Variants in RAP1GAP2 observed in about 807,000 individuals in gnomAD.
The protein encoded by RAP1GAP2 is RAP1 GTPase activating protein 2.
In RAP1GAP2, 27 loss-of-function variants were observed where a neutral mutation model predicts 95.0. That is an observed-to-expected ratio of 0.28 (90% CI 0.21 to 0.39). The LOEUF (loss-of-function observed/expected upper bound fraction) is 0.39, where lower values mean the gene tolerates loss of function less well. Ranked by LOEUF, RAP1GAP2 falls within the 10% of genes least tolerant of loss-of-function variation. RAP1GAP2 has a pLI of 1.00. For synonymous variants in RAP1GAP2, 373 were observed against 380.9 expected, an observed-to-expected ratio of 0.98 and a Z score of 0.24; for missense variants, 771 against 970.0, an observed-to-expected ratio of 0.79 and a Z score of 2.72.
intron 11 of RAP1GAP2, among the ~76,000 whole-genome samples, chr17:2,989,144 A>T (rs888238830): frequency 3.9e-4 from 59 of 152,114 alleles, no homozygotes; most frequent in Non-Finnish European, 1.3e-4. Flanking sequence ...CCAGCAGTGT[A>T]TGAGTGATCC....
intron 1 of RAP1GAP2, among the ~76,000 whole-genome samples, chr17:2,763,810 C>T: frequency 6.6e-6 from 1 of 151,906 alleles, no homozygotes. Context: ...GAGGTGAAGG[C>T]TGTGCAGGTG....
intron 2 of RAP1GAP2, among the ~76,000 whole-genome samples, chr17:2,818,838 C>T (rs964236815): frequency 5.3e-5 from 8 of 152,264 alleles, no homozygotes; most frequent in Admixed American, 4.6e-4. Context: ...CCATGCCTCC[C>T]TTTTCTAATC....
intron 2 of RAP1GAP2, among the ~76,000 whole-genome samples, chr17:2,816,061 C>A (rs972186762): frequency 6.6e-6 from 1 of 152,154 alleles, no homozygotes; most frequent in African/African-American, 2.4e-5. Flanking sequence ...TTAGCAGCAC[C>A]TGGGCTGAGC....
intron 2 of RAP1GAP2, among the ~76,000 whole-genome samples, chr17:2,803,408 A>G (rs1290697193): frequency 6.6e-6 from 1 of 152,208 alleles, no homozygotes; most frequent in African/African-American, 2.4e-5. Context: ...ACTGAAGGGG[A>G]GGAAGCAAAG....
chr17:2,792,337 G>A (rs938543016), upstream of RAP1GAP2, among the ~76,000 whole-genome samples: 1 of 152,212 alleles, frequency 6.6e-6, no homozygotes, highest in Admixed American at 6.5e-5. Flanking sequence ...GACGGCCTTG[G>A]AGCCCCGTGC....
chr17:3,014,365 A>G (rs1004257971), intron 17 of RAP1GAP2, among the ~76,000 whole-genome samples: 3 of 152,238 alleles, frequency 2.0e-5, no homozygotes, highest in Admixed American at 6.5e-5. Flanking sequence ...TGGAAAAGGT[A>G]CAGTAAAAAT....
chr17:2,979,124 T>C (rs989362762), intron 8 of RAP1GAP2, among the ~76,000 whole-genome samples: 1 of 152,146 alleles, frequency 6.6e-6, no homozygotes, highest in Non-Finnish European at 1.5e-5. Context: ...AAAAACCATA[T>C]GGTTATCTCC....
chr17:2,758,171 G>GA (rs773615611), intron 1 of RAP1GAP2, among the ~76,000 whole-genome samples: 64 of 104,632 alleles, frequency 6.1e-4, no homozygotes, highest in African/African-American at 2.4e-3. Flanking sequence ...GCCTGGCCAC[G>GA]CCCCCCCCCC....
In RAP1GAP2 at chr17:2,905,172, C is replaced by T. The variant is rs370417346; in HGVS notation, c.81-112C>T. The T allele has an allele frequency of 3.1e-5, 31 of 992,040 alleles. 1 individual carries two copies. The highest frequency in any genetic ancestry group is 1.1e-4 in the East Asian group (4 of 35,394). 61.5% of individuals were successfully genotyped at this position (992,040 alleles called of 1,614,324 possible). A position where few individuals can be genotyped will look rare whatever the true frequency, so the allele number is the denominator to read the frequency against. On this transcript the variant is annotated intron_variant, in intron 2 of 24. Coordinates refer to ENST00000254695, the MANE Select transcript of RAP1GAP2 (RefSeq NM_015085.5). ...TGCTGGGATTACTGGCGTGAGCCAC[C>T]CAACCCAGCCTGCATTGTATGTTAA...
intron 1 of RAP1GAP2, among the ~76,000 whole-genome samples, chr17:2,790,383 C>A (rs531787655): frequency 6.6e-6 from 1 of 152,126 alleles, no homozygotes; most frequent in Non-Finnish European, 1.5e-5. Context: ...AATCCCAAAG[C>A]GCTGGGATTA....
chr17:2,809,854 C>T (rs1303483502), intron 2 of RAP1GAP2, among the ~76,000 whole-genome samples: 2 of 152,194 alleles, frequency 1.3e-5, no homozygotes, highest in African/African-American at 4.8e-5. Context: ...GACAGGGGCC[C>T]AAGCAGCCCT....
chr17:2,772,427 T>G (rs984410325), upstream of RAP1GAP2, among the ~76,000 whole-genome samples: 2 of 152,100 alleles, frequency 1.3e-5, no homozygotes, highest in East Asian at 3.8e-4. Context: ...GCTGGGACTA[T>G]AGGCATGCAC....
Position 2,862,206 on chromosome 17 carries a change from G to A in RAP1GAP2, c.81-43078G>A, listed in dbSNP as rs572601929. Among the ~76,000 whole-genome samples, 6 of 152,302 alleles carry A rather than the reference G, an allele frequency of 3.9e-5. No homozygotes were observed. The East Asian group carries it at 5.8e-4, about 15-fold the overall frequency. On this transcript the variant is annotated intron_variant, in intron 2 of 24. Coordinates refer to ENST00000254695, the MANE Select transcript of RAP1GAP2 (RefSeq NM_015085.5). ...GAGCCAGGGCTCTTCTTGACACTGC[G>A]TTCCTAAGTCTTGGGTCCTGGAACT... is the stretch of plus-strand genomic sequence containing the variant.
rs759534262 is a variant in RAP1GAP2 at position 3,005,339 on chromosome 17, A to G, written c.1201-30A>G. ...GGGGCAGCGCTCGTCTCTTCCCTCC[A>G]GGTCCGTACCATGACTCTGTTTCAC... On this transcript the variant is annotated intron_variant, in intron 14 of 24. Transcript: ENST00000254695. This position sits in a 1 kb window ranked among gnomAD's most constrained non-coding sequence, Gnocchi z 5.2. 49 of 1,604,462 alleles carry G rather than the reference A, an allele frequency of 3.1e-5. No individual in the cohort carries two copies. Among genetic ancestry groups the G allele is most frequent in the Admixed American group, 1.3e-4 (8 of 59,988 alleles).
At chr17:2,848,674 T>C (rs141927206) in intron 2 of RAP1GAP2, among the ~76,000 whole-genome samples, 3,700 of 152,058 alleles carry the variant, frequency 0.024, 63 homozygotes, top group Non-Finnish European at 0.039. Context: ...CCACCACGCC[T>C]GGATGATTTT....
In RAP1GAP2 at chr17:3,037,426, C is replaced by A. The variant is rs10805; in HGVS notation, c.*4065C>A. ...GCAGCTCTCTCCTGTTTTGGGTGTT[C>A]CCCTTGGACACTCCAGCTCGGGGAC... On this transcript the variant is annotated 3_prime_UTR_variant, in exon 25 of 25. Coordinates refer to ENST00000254695, the MANE Select transcript of RAP1GAP2 (RefSeq NM_015085.5). 0.56 allele frequency: 74,291 copies of A among 131,492 alleles called. 21,143 individuals are homozygous for A. The highest frequency in any genetic ancestry group is 0.67 in the Middle Eastern group (163 of 244). 8.1% of individuals were successfully genotyped at this position (131,492 alleles called of 1,614,324 possible). A position where few individuals can be genotyped will look rare whatever the true frequency, so the allele number is the denominator to read the frequency against.
chr17:2,806,173 G>A (rs2069507875), intron 2 of RAP1GAP2, among the ~76,000 whole-genome samples: 1 of 152,032 alleles, frequency 6.6e-6, no homozygotes, highest in Non-Finnish European at 1.5e-5. Context: ...CACAGCCACC[G>A]CTATTCTAAG....
intron 2 of RAP1GAP2, among the ~76,000 whole-genome samples, chr17:2,877,026 C>T (rs570912803): frequency 1.4e-4 from 21 of 151,704 alleles, no homozygotes; most frequent in Non-Finnish European, 1.5e-4. Context: ...GTAGCTGGGA[C>T]TACAGGCATG....
chr17:3,005,058 C>T lies in RAP1GAP2; in HGVS notation c.1201-311C>T, dbSNP rs1038695516. Among the ~76,000 whole-genome samples the T allele has an allele frequency of 1.3e-5, 2 of 152,084 alleles. No homozygotes were observed. The highest frequency in any genetic ancestry group is 2.9e-5 in the Non-Finnish European group (2 of 68,012). On this transcript the variant is annotated intron_variant, in intron 14 of 24. Transcript: ENST00000254695. This position sits in a 1 kb window ranked among gnomAD's most constrained non-coding sequence, Gnocchi z 5.2. ...GATTAGCGTCACGGTCGAATGAGGTCACGAGATGCCATCTCCCGGGCACTT... is the reference window on the plus strand; with the variant it reads ...GATTAGCGTCACGGTCGAATGAGGTTACGAGATGCCATCTCCCGGGCACTT...
Sources: gnomAD v4.1 joint callset for allele counts (sites outside exome capture counted in the v4.1 genomes callset) on GRCh38, gnomAD v4.1.1 for gene constraint, Gnocchi (gnomAD v3.1) non-coding constraint, MANE v1.5 for transcripts, NCBI Gene and HGNC (gene_info 2026-07-23, HGNC 2026-07-21) for gene names.